GPM6B: variants seen among roughly 807,000 people sequenced by gnomAD.
The protein encoded by GPM6B is neuronal membrane glycoprotein M6-b.
In GPM6B, 4 loss-of-function variants were observed where a neutral mutation model predicts 27.2. That is an observed-to-expected ratio of 0.15 (90% CI 0.07 to 0.34). The LOEUF is 0.34. GPM6B is among the 10% of genes least tolerant of loss of function. The pLI is 1.00. For missense variants in GPM6B, 183 were observed against 261.9 expected, an observed-to-expected ratio of 0.70 and a Z score of 2.08; for synonymous variants, 124 against 103.1, an observed-to-expected ratio of 1.20 and a Z score of -1.23.
At chrX:13,794,614 C>T (rs535924929) in intron 2 of GPM6B, among the ~76,000 whole-genome samples, 53 of 112,003 alleles carry the variant, frequency 4.7e-4, no homozygotes, top group African/African-American at 1.5e-3. Flanking sequence ...GATGCCTGAG[C>T]GTGAATCGGG....
intron 2 of GPM6B, among the ~76,000 whole-genome samples, chrX:13,801,399 T>C (rs920311335): frequency 8.9e-6 from 1 of 111,956 alleles, no homozygotes; most frequent in African/African-American, 3.2e-5. Context: ...GGAAACTGAG[T>C]GCCGAGCAAA....
intron 1 of GPM6B, among the ~76,000 whole-genome samples, chrX:13,846,706 G>C (rs1191201600): frequency 2.8e-5 from 3 of 107,695 alleles, no homozygotes; most frequent in Non-Finnish European, 3.8e-5. Flanking sequence ...TGTTAGCCAG[G>C]ATGGACTCGA....
chrX:13,833,788 A>G (rs2049467416), intron 1 of GPM6B, among the ~76,000 whole-genome samples: 1 of 112,356 alleles, frequency 8.9e-6, no homozygotes, highest in Non-Finnish European at 1.9e-5. Context: ...GAGGTCAGTT[A>G]GTCATACACT....
intron 1 of GPM6B, among the ~76,000 whole-genome samples, chrX:13,808,591 G>A (rs1264069439): frequency 3.6e-5 from 4 of 111,554 alleles, no homozygotes; most frequent in South Asian, 3.8e-4. Context: ...TCATAAGGTC[G>A]CTATGGCCAG....
chrX:13,929,325 T>C (rs1474428582), intron 1 of GPM6B, among the ~76,000 whole-genome samples: 1 of 111,350 alleles, frequency 9.0e-6, no homozygotes, highest in African/African-American at 3.3e-5. Flanking sequence ...GTTGGCCTCA[T>C]TATCGAGATG....
intron 1 of GPM6B, among the ~76,000 whole-genome samples, chrX:13,932,230 C>T (rs1188345606): frequency 1.8e-5 from 2 of 111,357 alleles, no homozygotes; most frequent in South Asian, 7.7e-4. Context: ...GCCTCTGCCA[C>T]GGCTCCTGCT....
chrX:13,898,062 A>G (rs770992834), intron 1 of GPM6B, among the ~76,000 whole-genome samples: 1 of 112,155 alleles, frequency 8.9e-6, no homozygotes, highest in South Asian at 3.7e-4. Context: ...TGAATTGAAT[A>G]TCACTCTTGC....
intron 4 of GPM6B, chrX:13,781,104 CAG>C (rs1341837260): frequency 4.7e-6 from 1 of 213,590 alleles, no homozygotes; most frequent in African/African-American, 3.0e-5. Context: ...CAAAAGAAAA[CAG>C]GACCTGAGCA....
At chrX:13,867,202 T>C (rs2049929307) in intron 1 of GPM6B, among the ~76,000 whole-genome samples, 1 of 111,491 alleles carries the variant, frequency 9.0e-6, no homozygotes, top group African/African-American at 3.3e-5. Context: ...CTCAATCTCC[T>C]GGGCTCAAGA....
chrX:13,780,251 C>T (rs2147118418), intron 4 of GPM6B, among the ~76,000 whole-genome samples: 1 of 111,492 alleles, frequency 9.0e-6, no homozygotes, highest in African/African-American at 3.3e-5. Flanking sequence ...TCTTAACTAA[C>T]AAGGACAGGA....
At chrX:13,867,282 G>A (rs1308472547) in intron 1 of GPM6B, among the ~76,000 whole-genome samples, 1 of 110,671 alleles carries the variant, frequency 9.0e-6, no homozygotes, top group African/African-American at 3.3e-5. Context: ...GCTAATTTTT[G>A]TATCTTCTGT....
At chrX:13,809,619 T>TA (rs199934968) in intron 1 of GPM6B, among the ~76,000 whole-genome samples, 38 of 109,129 alleles carry the variant, frequency 3.5e-4, no homozygotes, top group Middle Eastern at 4.7e-3. Flanking sequence ...GTACTAAAAA[T>TA]AAAAAAAATA....
At chrX:13,841,801 C>T (rs1260718860) in intron 1 of GPM6B, among the ~76,000 whole-genome samples, 1 of 111,751 alleles carries the variant, frequency 8.9e-6, no homozygotes, top group Admixed American at 9.5e-5. Flanking sequence ...GGCTGGCTAT[C>T]ACCGACCTTC....
At chrX:13,801,111 A>G (rs928366897) in intron 2 of GPM6B, among the ~76,000 whole-genome samples, 1 of 111,936 alleles carries the variant, frequency 8.9e-6, no homozygotes, top group Middle Eastern at 4.6e-3. Context: ...TTCTATACAC[A>G]GGAAATAAAA....
chrX:13,916,663 A>ATGTATGTGTGTGTG (rs370391303), intron 1 of GPM6B, among the ~76,000 whole-genome samples: 1 of 90,158 alleles, frequency 1.1e-5, no homozygotes, highest in Non-Finnish European at 2.2e-5. Context: ...TAGTTTATTA[A>ATGTATGTGTGTGTG]TGTGTGTGTG....
intron 1 of GPM6B, among the ~76,000 whole-genome samples, chrX:13,809,140 A>C (rs547735691): frequency 1.8e-5 from 2 of 111,836 alleles, no homozygotes; most frequent in African/African-American, 6.5e-5. Context: ...TACTATTATT[A>C]TTCCATTTTT....
chrX:13,797,696 G>C (rs1039801582), intron 2 of GPM6B, among the ~76,000 whole-genome samples: 1 of 111,365 alleles, frequency 9.0e-6, no homozygotes, highest in Non-Finnish European at 1.9e-5. Context: ...TGGCACTGGT[G>C]TGTGGGCTGG....
At chrX:13,926,756 A>G (rs914110212) in intron 1 of GPM6B, among the ~76,000 whole-genome samples, 1 of 112,466 alleles carries the variant, frequency 8.9e-6, no homozygotes, top group Non-Finnish European at 1.9e-5. Context: ...TAGAATCCCA[A>G]TGGAATAAAG....
chrX:13,841,200 C>A (rs1284681429), intron 1 of GPM6B, among the ~76,000 whole-genome samples: 1 of 111,828 alleles, frequency 8.9e-6, no homozygotes, highest in Non-Finnish European at 1.9e-5. Flanking sequence ...TATTTCACAT[C>A]CTCCTAAACT....
Sources: allele counts gnomAD v4.1 joint callset (sites outside exome capture counted in the v4.1 genomes callset), GRCh38; gene constraint gnomAD v4.1.1; transcripts MANE v1.5; gene names NCBI Gene and HGNC (gene_info 2026-07-23, HGNC 2026-07-21).